The following PTPRD variants were observed in gnomAD, a reference collection of about 807,000 sequenced individuals.
The protein encoded by PTPRD is protein tyrosine phosphatase receptor type D.
A neutral mutation model predicts 214.5 loss-of-function variants in PTPRD; 34 were observed. The observed-to-expected ratio is 0.16, with a 90% CI of 0.12 to 0.21. The LOEUF (loss-of-function observed/expected upper bound fraction) is 0.21, where lower values mean the gene tolerates loss of function less well. PTPRD is among the 10% of genes least tolerant of loss of function. The pLI is 1.00. For missense variants in PTPRD, 2,545 were observed against 2,398.7 expected, an observed-to-expected ratio of 1.06 and a Z score of -1.27; for synonymous variants, 1,128 against 845.7, an observed-to-expected ratio of 1.33 and a Z score of -5.79.
chr9:8,467,706 T>C lies in PTPRD; in HGVS notation c.3505-2031A>G, dbSNP rs533708042. On this transcript the variant is annotated intron_variant, in intron 31 of 45. Coordinates refer to ENST00000381196, the MANE Select transcript of PTPRD (RefSeq NM_002839.4). ...TTCTAACTCTGTGTATTTATACATATAATTTTTATGTATCTGCTTACATCA... is the reference window on the plus strand; with the variant it reads ...TTCTAACTCTGTGTATTTATACATACAATTTTTATGTATCTGCTTACATCA... 4.6e-5 allele frequency among the ~76,000 whole-genome samples: 7 copies of C among 152,118 alleles called. No individual in the cohort carries two copies. In the East Asian group the frequency reaches 9.7e-4, roughly 21 times the overall value.
Position 9,793,258 on chromosome 9 carries a change from A to G in PTPRD, c.-367-26407T>C, listed in dbSNP as rs2098979760. Among the ~76,000 whole-genome samples, 3 of 152,122 alleles carry G rather than the reference A, an allele frequency of 2.0e-5. No individual in the cohort carries two copies. The South Asian group carries it at 6.2e-4, about 31-fold the overall frequency. ...AATTTTATCATCCCATAGCTTTACTATGAATAAAATGGATGTATCTATAAA... is the reference window on the plus strand; with the variant it reads ...AATTTTATCATCCCATAGCTTTACTGTGAATAAAATGGATGTATCTATAAA... On this transcript the variant is annotated intron_variant, in intron 5 of 45. Transcript: ENST00000381196.
rs541982344 is a variant in PTPRD at position 10,075,797 on chromosome 9, C to A, written c.-544-42007G>T. ...GAGTCTACCTTAAATTTTAAACACA[C>A]TAATTTTTCAAATAACCAAGGGCTG... On this transcript the variant is annotated intron_variant, in intron 3 of 45. Transcript: ENST00000381196. 2.0e-5 allele frequency among the ~76,000 whole-genome samples: 3 copies of A among 152,086 alleles called. No individual in the cohort carries two copies. The East Asian group carries it at 5.8e-4, about 30-fold the overall frequency.
At chr9:9,238,528 G>T (rs7864378) in intron 9 of PTPRD, among the ~76,000 whole-genome samples, 9,536 of 152,054 alleles carry the variant, frequency 0.063, 333 homozygotes, top group South Asian at 0.081. Flanking sequence ...GAAAATCATT[G>T]GTTAAGTTAG....
chr9:9,187,309 A>G (rs2131657477), intron 9 of PTPRD, among the ~76,000 whole-genome samples: 1 of 152,190 alleles, frequency 6.6e-6, no homozygotes, highest in East Asian at 1.9e-4. Context: ...TTGTTTGCAC[A>G]TACTTCTCAT....
At chr9:8,948,495 A>C (rs1228477390) in intron 11 of PTPRD, among the ~76,000 whole-genome samples, 1 of 49,864 alleles carries the variant, frequency 2.0e-5, no homozygotes, top group Non-Finnish European at 3.4e-5. Flanking sequence ...ATATATATTT[A>C]TATATATATT....
chr9:10,276,383 C>T (rs1038313029), intron 3 of PTPRD, among the ~76,000 whole-genome samples: 1 of 152,124 alleles, frequency 6.6e-6, no homozygotes, highest in South Asian at 2.1e-4. Context: ...AGCCAATTTG[C>T]TCATTAAAAG....
chr9:10,103,966 A>G (rs1053185294), intron 3 of PTPRD, among the ~76,000 whole-genome samples: 2 of 151,794 alleles, frequency 1.3e-5, no homozygotes, highest in African/African-American at 4.8e-5. Context: ...TATCCATACA[A>G]CGGAAAATCA....
chr9:10,546,854 G>T (rs1055252066), intron 2 of PTPRD, among the ~76,000 whole-genome samples: 7 of 152,004 alleles, frequency 4.6e-5, no homozygotes, highest in African/African-American at 1.7e-4. Context: ...GGGAAAAATA[G>T]AAAATTCCCC....
At chr9:10,097,662 T>A (rs1392211837) in intron 3 of PTPRD, among the ~76,000 whole-genome samples, 2 of 151,810 alleles carry the variant, frequency 1.3e-5, no homozygotes, top group Admixed American at 1.3e-4. Context: ...GTTTTCTAGA[T>A]ATACAATCAT....
At chr9:8,910,220 G>A (rs1446353326) in intron 11 of PTPRD, among the ~76,000 whole-genome samples, 2 of 151,838 alleles carry the variant, frequency 1.3e-5, no homozygotes, top group African/African-American at 4.8e-5. Flanking sequence ...TGTATTTTTA[G>A]TAGAGACGGG....
intron 11 of PTPRD, among the ~76,000 whole-genome samples, chr9:8,973,672 A>G (rs1457697072): frequency 6.6e-6 from 1 of 152,138 alleles, no homozygotes; most frequent in African/African-American, 2.4e-5. Flanking sequence ...ACTAATTAAC[A>G]TTCCCACCAA....
intron 11 of PTPRD, among the ~76,000 whole-genome samples, chr9:8,899,689 G>T (rs2098650416): frequency 6.6e-6 from 1 of 152,206 alleles, no homozygotes; most frequent in South Asian, 2.1e-4. Flanking sequence ...ACCCACAAAA[G>T]TGAACGTTTC....
At chr9:9,569,005 A>G (rs914269167) in intron 8 of PTPRD, among the ~76,000 whole-genome samples, 1 of 151,832 alleles carries the variant, frequency 6.6e-6, no homozygotes, top group African/African-American at 2.4e-5. Flanking sequence ...AGAAAAAGGC[A>G]AAGACACTGG....
At chr9:9,964,183 A>G (rs539894186) in intron 4 of PTPRD, among the ~76,000 whole-genome samples, 1 of 137,566 alleles carries the variant, frequency 7.3e-6, no homozygotes, top group East Asian at 2.3e-4. Context: ...AGGTTTCTCA[A>G]ATTGGGGGAA....
intron 10 of PTPRD, among the ~76,000 whole-genome samples, chr9:9,041,404 C>G (rs2099639428): frequency 6.6e-6 from 1 of 151,976 alleles, no homozygotes; most frequent in Admixed American, 6.6e-5. Flanking sequence ...TGTGTTGTTC[C>G]CCTCTATGTG....
chr9:10,442,267 G>C (rs972988090), intron 2 of PTPRD, among the ~76,000 whole-genome samples: 1 of 151,474 alleles, frequency 6.6e-6, no homozygotes, highest in Non-Finnish European at 1.5e-5. Flanking sequence ...TTATCCTTTT[G>C]GTATGAGAAC....
intron 9 of PTPRD, among the ~76,000 whole-genome samples, chr9:9,266,297 T>C (rs1240664231): frequency 1.3e-5 from 2 of 150,908 alleles, no homozygotes; most frequent in African/African-American, 2.4e-5. Flanking sequence ...ATGACAGCAA[T>C]AGAATAATAG....
intron 11 of PTPRD, among the ~76,000 whole-genome samples, chr9:8,913,736 G>A (rs577021353): frequency 1.3e-5 from 2 of 152,150 alleles, no homozygotes; most frequent in South Asian, 4.2e-4. Context: ...AAAGAGTGAA[G>A]AAATTCATGC....
At chr9:10,067,806 G>A (rs2097912287) in intron 3 of PTPRD, among the ~76,000 whole-genome samples, 1 of 151,804 alleles carries the variant, frequency 6.6e-6, no homozygotes, top group South Asian at 2.1e-4. Flanking sequence ...TAGATGCAGT[G>A]ATGACCTAAT....
Sources: gnomAD v4.1 joint callset for allele counts (sites outside exome capture counted in the v4.1 genomes callset) on GRCh38, gnomAD v4.1.1 for gene constraint, MANE v1.5 for transcripts, NCBI Gene and HGNC (gene_info 2026-07-23, HGNC 2026-07-21) for gene names.